CMKLR1: variants seen among roughly 807,000 people sequenced by gnomAD.
CMKLR1 encodes chemerin chemokine-like receptor 1.
In CMKLR1, 6 loss-of-function variants were observed where a neutral mutation model predicts 8.2. The observed-to-expected ratio is 0.73, with a 90% CI of 0.40 to 1.44. The LOEUF (loss-of-function observed/expected upper bound fraction) is 1.44. Among genes scored for constraint, CMKLR1 ranks in the 40% most tolerant of loss-of-function variants. The probability of loss-of-function intolerance (pLI) is 0.02; values close to 1 mark genes in which losing one functional copy is unlikely to be tolerated. For synonymous variants in CMKLR1, 178 were observed against 181.2 expected (o/e 0.98, Z 0.14); for missense variants, 429 against 478.0 (o/e 0.90, Z 0.96).
At chr12:108,294,228 G>T (rs902659367) in intron 2 of CMKLR1, among the ~76,000 whole-genome samples, 55 of 152,320 alleles carry the variant, frequency 3.6e-4, no homozygotes, top group African/African-American at 1.2e-3. Context: ...CATCATTCTT[G>T]CTGGATATTC....
At chr12:108,307,385 T>C (rs1891437843) in intron 2 of CMKLR1, among the ~76,000 whole-genome samples, 1 of 152,094 alleles carries the variant, frequency 6.6e-6, no homozygotes, top group South Asian at 2.1e-4. Context: ...GAGAAGTCAC[T>C]CTTCTCTTAC....
At chr12:108,311,827 G>C (rs80257925) in intron 2 of CMKLR1, among the ~76,000 whole-genome samples, 15,256 of 152,176 alleles carry the variant, frequency 0.1, 1,029 homozygotes, top group Admixed American at 0.23. Flanking sequence ...GGAAGCCCCA[G>C]GCTGGGGGCA....
chr12:108,330,112 C>G lies in CMKLR1; in HGVS notation c.-191G>C, dbSNP rs947148630. On this transcript the variant is annotated 5_prime_UTR_variant, in exon 2 of 4. Transcript: ENST00000550402. Reference sequence around the variant, plus strand: ...AGAAGTGATGCTGTGCTAGTCCCAGCCTAGATCTCTAGATGCCATCAGCTT... The same window carrying G: ...AGAAGTGATGCTGTGCTAGTCCCAGGCTAGATCTCTAGATGCCATCAGCTT... 6.6e-6 allele frequency: 1 copy of G among 152,134 alleles called. No individual in the cohort carries two copies. The highest frequency in any genetic ancestry group is 2.4e-5 in the African/African-American group (1 of 41,412). 9.4% of individuals were successfully genotyped at this position (152,134 alleles called of 1,614,324 possible).
intron 1 of CMKLR1, among the ~76,000 whole-genome samples, chr12:108,334,025 G>T (rs1287059508): frequency 6.6e-6 from 1 of 152,244 alleles, no homozygotes; most frequent in Non-Finnish European, 1.5e-5. Context: ...AGGGGCTATG[G>T]AAAAAGTGCT....
rs1041495448 is a variant in CMKLR1, at chr12:108,304,981, C to A, written c.-73-11317G>T. The stretch of plus-strand genomic sequence containing the variant: ...CAAATGACCATGTTTGGCCTGGCTC[C>A]TGTCCCCATCTTCTCCCCACATGAC... On this transcript the variant is annotated intron_variant, in intron 2 of 3. Transcript: ENST00000550402. 5.3e-5 allele frequency among the ~76,000 whole-genome samples: 8 copies of A among 152,338 alleles called. No homozygotes were observed. The East Asian group carries it at 1.5e-3, about 29-fold the overall frequency.
chr12:108,313,488 A>G (rs1891637214), intron 2 of CMKLR1, among the ~76,000 whole-genome samples: 1 of 152,158 alleles, frequency 6.6e-6, no homozygotes, highest in East Asian at 1.9e-4. Context: ...ATGCTATGTA[A>G]TCTTGGATTA....
At chr12:108,333,231 C>G (rs1259897965) in intron 1 of CMKLR1, among the ~76,000 whole-genome samples, 2 of 68,860 alleles carry the variant, frequency 2.9e-5, no homozygotes, top group Non-Finnish European at 7.8e-5. Context: ...GACCCATGTC[C>G]TATACCCCAA....
intron 2 of CMKLR1, among the ~76,000 whole-genome samples, chr12:108,311,290 G>GTA (rs1891563388): frequency 6.6e-6 from 1 of 152,100 alleles, no homozygotes; most frequent in African/African-American, 2.4e-5. Context: ...ATGAATGTGT[G>GTA]TATGTGTGCG....
At chr12:108,301,443 C>T (rs1891269611) in intron 2 of CMKLR1, among the ~76,000 whole-genome samples, 2 of 152,236 alleles carry the variant, frequency 1.3e-5, no homozygotes, top group South Asian at 4.1e-4. Flanking sequence ...CCAGGCCTCT[C>T]CCTCTGCTGC....
At chr12:108,335,434 C>T (rs1436718976) in intron 1 of CMKLR1, among the ~76,000 whole-genome samples, 1 of 152,178 alleles carries the variant, frequency 6.6e-6, no homozygotes, top group Non-Finnish European at 1.5e-5. Context: ...AGTGGGACCA[C>T]CAGATGAGTC....
In CMKLR1 at chr12:108,335,591, T is replaced by C. The variant is rs143483235; in HGVS notation, c.-287+3436A>G. 6.1e-3 allele frequency among the ~76,000 whole-genome samples: 925 copies of C among 152,350 alleles called. 17 individuals carry two copies. Among genetic ancestry groups the C allele is most frequent in the African/African-American group, 0.021 (853 of 41,570 alleles). On this transcript the variant is annotated intron_variant, in intron 1 of 3. Coordinates refer to ENST00000550402, the MANE Select transcript of CMKLR1 (RefSeq NM_001142343.2). ...TAGCTGATATACCATTCGACCTCCT[T>C]ATTTACAGATGAAATTATTGTGGCC... is the stretch of plus-strand genomic sequence containing the variant.
chr12:108,298,447 A>G (rs1891189350), intron 2 of CMKLR1, among the ~76,000 whole-genome samples: 1 of 152,168 alleles, frequency 6.6e-6, no homozygotes, highest in Non-Finnish European at 1.5e-5. Flanking sequence ...TCTGACTATG[A>G]GTCTTGCTCT....
chr12:108,313,911 G>A (rs1319408190), intron 2 of CMKLR1, among the ~76,000 whole-genome samples: 1 of 152,074 alleles, frequency 6.6e-6, no homozygotes, highest in African/African-American at 2.4e-5. Flanking sequence ...CACAGGACAA[G>A]CCAGCCACCT....
chr12:108,331,165 C>T (rs1441097585), intron 1 of CMKLR1, among the ~76,000 whole-genome samples: 1 of 152,176 alleles, frequency 6.6e-6, no homozygotes, highest in East Asian at 1.9e-4. Flanking sequence ...TCATTCATTC[C>T]TGTTGAGCCT....
In CMKLR1 at chr12:108,332,037, G is replaced by T. The variant is rs148361779; in HGVS notation, c.-286-1830C>A. Reference sequence around the variant, plus strand: ...TTCATATAACACTCAGGAATTCATAGATTCTGATAACTGTTCAAACCAATT... The same window carrying T: ...TTCATATAACACTCAGGAATTCATATATTCTGATAACTGTTCAAACCAATT... On this transcript the variant is annotated intron_variant, in intron 1 of 3. Transcript: ENST00000550402. 1.6e-3 allele frequency among the ~76,000 whole-genome samples: 248 copies of T among 152,328 alleles called. 1 individual carries two copies. The highest frequency in any genetic ancestry group is 0.014 in the Middle Eastern group (4 of 294).
chr12:108,321,391 C>T (rs146423301), intron 2 of CMKLR1, among the ~76,000 whole-genome samples: 1 of 152,128 alleles, frequency 6.6e-6, no homozygotes, highest in African/African-American at 2.4e-5. Context: ...ACGATCATAC[C>T]ACTGTACTCC....
rs143846742 is a variant in CMKLR1, at chr12:108,322,974, C to A, written c.-74+7021G>T. 4.6e-5 allele frequency among the ~76,000 whole-genome samples: 7 copies of A among 152,292 alleles called. No homozygotes were observed. In the East Asian group the frequency reaches 1.3e-3, roughly 29 times the overall value. On this transcript the variant is annotated intron_variant, in intron 2 of 3. Coordinates refer to ENST00000550402, the MANE Select transcript of CMKLR1 (RefSeq NM_001142343.2). ...CCAGCCTTGGATCTGGCAGCAGATA[C>A]CTTTCCCTCCATACCTCATTCTCTC... is the stretch of plus-strand genomic sequence containing the variant.
intron 2 of CMKLR1, among the ~76,000 whole-genome samples, chr12:108,312,321 G>T (rs1267537466): frequency 6.6e-6 from 1 of 152,158 alleles, no homozygotes; most frequent in Non-Finnish European, 1.5e-5. Flanking sequence ...GGGCTGACAG[G>T]CCCCTTTCAT....
intron 1 of CMKLR1, among the ~76,000 whole-genome samples, chr12:108,336,233 C>G (rs369580286): frequency 3.3e-5 from 5 of 150,976 alleles, no homozygotes; most frequent in African/African-American, 1.2e-4. Flanking sequence ...ATTCTGATTT[C>G]CAAACTGAAG....
Sources: allele counts gnomAD v4.1 joint callset (sites outside exome capture counted in the v4.1 genomes callset), GRCh38; gene constraint gnomAD v4.1.1; transcripts MANE v1.5; gene names NCBI Gene and HGNC (gene_info 2026-07-23, HGNC 2026-07-21).